The following ARHGEF3 variants were observed in gnomAD, a reference collection of about 807,000 sequenced individuals.
The protein encoded by ARHGEF3 is 59.8 kDA protein.
ARHGEF3 carries 28 observed loss-of-function variants against 63.2 expected under a neutral mutation model. The ratio of observed to expected loss-of-function variants is 0.44; its 90% confidence interval spans 0.33 to 0.61. The LOEUF is 0.61. Ranked by LOEUF, ARHGEF3 falls within the 20% of genes least tolerant of loss-of-function variation. ARHGEF3 has a pLI of 0.03. For synonymous variants in ARHGEF3, 266 were observed against 254.2 expected (o/e 1.05, Z -0.44); for missense variants, 533 against 659.3 (o/e 0.81, Z 2.10).
At chr3:57,077,425 T>C (rs969424910) in intron 1 of ARHGEF3, among the ~76,000 whole-genome samples, 4 of 152,106 alleles carry the variant, frequency 2.6e-5, no homozygotes, top group African/African-American at 9.7e-5. Flanking sequence ...AAAATAACTG[T>C]GCTTCAAGTG....
chr3:56,982,163 C>G lies in ARHGEF3; in HGVS notation c.63-23274G>C, dbSNP rs184218128. On this transcript the variant is annotated intron_variant, in intron 2 of 12. Coordinates refer to the ARHGEF3 transcript ENST00000338458. The stretch of plus-strand genomic sequence containing the variant: ...GAGCAAGAGACCAAGAGAGAGAAGG[C>G]TCCTAATGACACAGATTAACCACCT... 1.8e-3 allele frequency among the ~76,000 whole-genome samples: 272 copies of G among 152,088 alleles called. 1 individual carries two copies. Among genetic ancestry groups the G allele is most frequent in the Non-Finnish European group, 3.2e-3 (215 of 67,996 alleles).
chr3:57,019,167 T>A (rs1703142272), intron 2 of ARHGEF3, among the ~76,000 whole-genome samples: 1 of 152,134 alleles, frequency 6.6e-6, no homozygotes, highest in East Asian at 1.9e-4. Flanking sequence ...CACTTATCTC[T>A]CTAGACCTTG....
chr3:56,956,964 T>C (rs1471177946), intron 3 of ARHGEF3, among the ~76,000 whole-genome samples: 1 of 152,024 alleles, frequency 6.6e-6, no homozygotes, highest in Non-Finnish European at 1.5e-5. Context: ...CCTTATGGAG[T>C]CTCCACGTAC....
At chr3:56,922,580 C>G (rs1425717021) in intron 3 of ARHGEF3, among the ~76,000 whole-genome samples, 1 of 152,138 alleles carries the variant, frequency 6.6e-6, no homozygotes, top group Non-Finnish European at 1.5e-5. Context: ...GCTTGACACA[C>G]CGAATTTCCA....
chr3:56,850,884 T>A (rs903066014), intron 4 of ARHGEF3, among the ~76,000 whole-genome samples: 1 of 151,256 alleles, frequency 6.6e-6, no homozygotes, highest in Admixed American at 6.6e-5. Flanking sequence ...AACAACATTA[T>A]GAGGTAGGCA....
intron 2 of ARHGEF3, among the ~76,000 whole-genome samples, chr3:57,031,537 C>A (rs138084138): frequency 1.3e-5 from 2 of 152,256 alleles, no homozygotes; most frequent in Non-Finnish European, 2.9e-5. Context: ...ACTTAACCAC[C>A]GCTCAGATGT....
At chr3:56,746,184 A>C (rs944503283) in intron 6 of ARHGEF3, among the ~76,000 whole-genome samples, 1 of 152,186 alleles carries the variant, frequency 6.6e-6, no homozygotes, top group Non-Finnish European at 1.5e-5. Context: ...AAGCAATCAA[A>C]TGCAGCCAAT....
chr3:56,829,412 A>C (rs1312815786), intron 4 of ARHGEF3, among the ~76,000 whole-genome samples: 2 of 152,174 alleles, frequency 1.3e-5, no homozygotes, highest in East Asian at 3.9e-4. Context: ...AAGGCATGAC[A>C]GAGACAGCAA....
At chr3:57,004,971 AATATAT>A (rs142618755) in intron 2 of ARHGEF3, among the ~76,000 whole-genome samples, 1 of 148,052 alleles carries the variant, frequency 6.8e-6, no homozygotes, top group African/African-American at 2.5e-5. Context: ...AAAATAAATA[AATATAT>A]ATATATATAT....
At chr3:57,072,061 A>G (rs1415099223) in intron 1 of ARHGEF3, among the ~76,000 whole-genome samples, 1 of 152,252 alleles carries the variant, frequency 6.6e-6, no homozygotes, top group East Asian at 1.9e-4. Context: ...AATCAAAGTC[A>G]CAATGAGATG....
rs1352334865 is a variant in ARHGEF3 at position 56,998,933 on chromosome 3, C to G, written c.62+36155G>C. On this transcript the variant is annotated intron_variant, in intron 2 of 12. Transcript: ENST00000338458. ...ATGTACACTCCATATGAGAAGAACCCCATTGAACTTTATTATTACCAAGAA... is the reference window on the plus strand; with the variant it reads ...ATGTACACTCCATATGAGAAGAACCGCATTGAACTTTATTATTACCAAGAA... Among the ~76,000 whole-genome samples, 5 of 152,094 alleles carry G rather than the reference C, an allele frequency of 3.3e-5. No individual in the cohort carries two copies. The South Asian group carries it at 8.3e-4, about 25-fold the overall frequency.
chr3:57,019,085 A>G (rs761819972), intron 2 of ARHGEF3, among the ~76,000 whole-genome samples: 14 of 152,230 alleles, frequency 9.2e-5, no homozygotes, highest in Non-Finnish European at 1.5e-4. Context: ...CACAGTGGGT[A>G]GCTGGCCCAT....
chr3:57,037,768 G>A (rs1031152168), intron 1 of ARHGEF3, among the ~76,000 whole-genome samples: 3 of 152,274 alleles, frequency 2.0e-5, no homozygotes, highest in Middle Eastern at 3.4e-3. Context: ...CCAGCTACTC[G>A]GGAGGCTGAG....
intron 3 of ARHGEF3, among the ~76,000 whole-genome samples, chr3:56,903,944 G>T (rs2041605103): frequency 6.6e-6 from 1 of 152,072 alleles, no homozygotes; most frequent in African/African-American, 2.4e-5. Context: ...GCTCACTGCA[G>T]CCTCAACCTC....
At chr3:56,948,688 T>A (rs537472905) in intron 3 of ARHGEF3, among the ~76,000 whole-genome samples, 116 of 152,300 alleles carry the variant, frequency 7.6e-4, no homozygotes, top group African/African-American at 2.8e-3. Context: ...ACAGCCGAAT[T>A]CTACCAGAGG....
At chr3:56,803,962 G>A (rs2037773421), upstream of ARHGEF3, among the ~76,000 whole-genome samples, 1 of 150,038 alleles carries the variant, frequency 6.7e-6, no homozygotes, top group African/African-American at 2.5e-5. Flanking sequence ...TTGGCTCACT[G>A]CAACCTTCTC....
intron 2 of ARHGEF3, among the ~76,000 whole-genome samples, chr3:56,768,984 T>G (rs2035864183): frequency 6.6e-6 from 1 of 152,250 alleles, no homozygotes; most frequent in African/African-American, 2.4e-5. Flanking sequence ...ACGTGAGCTC[T>G]GCACCTATGC....
intron 2 of ARHGEF3, among the ~76,000 whole-genome samples, chr3:57,030,592 T>C (rs112734456): frequency 1.6e-4 from 25 of 152,346 alleles, no homozygotes; most frequent in African/African-American, 5.8e-4. Context: ...GGTCCATTCA[T>C]AGGAAGAATT....
chr3:56,991,912 G>T (rs1204255606), intron 2 of ARHGEF3, among the ~76,000 whole-genome samples: 1 of 152,148 alleles, frequency 6.6e-6, no homozygotes, highest in African/African-American at 2.4e-5. Flanking sequence ...ACCGCGCCCG[G>T]CCCATTAACC....
Sources: gnomAD v4.1 joint callset for allele counts (sites outside exome capture counted in the v4.1 genomes callset) on GRCh38, gnomAD v4.1.1 for gene constraint, MANE v1.5 for transcripts, NCBI Gene and HGNC (gene_info 2026-07-23, HGNC 2026-07-21) for gene names.